Variants in FAM219B observed in about 807,000 individuals in gnomAD.
The protein encoded by FAM219B is family with sequence similarity 219 member B, also known as protein FAM219B.
Under a neutral mutation model 19.9 loss-of-function variants are expected in FAM219B, and 18 were observed. The observed-to-expected ratio is 0.91, with a 90% CI of 0.63 to 1.34. The LOEUF (loss-of-function observed/expected upper bound fraction) is 1.34, where lower values mean the gene tolerates loss of function less well. Ranked by LOEUF, FAM219B falls within the 40% of genes most tolerant of loss-of-function variation. The probability of loss-of-function intolerance (pLI) is 0.00; values close to 1 mark genes in which losing one functional copy is unlikely to be tolerated. For missense variants in FAM219B, 283 were observed against 270.5 expected (o/e 1.05, Z -0.32); for synonymous variants, 123 against 117.5 (o/e 1.05, Z -0.30).
downstream of FAM219B, chr15:74,898,308 C>G (rs1211337207): frequency 1.1e-5 from 2 of 181,786 alleles, no homozygotes; most frequent in Admixed American, 1.1e-4. Flanking sequence ...CATGATGCCC[C>G]AGTTTTTGCT....
chr15:74,902,739 G>A lies in FAM219B; in HGVS notation c.477C>T (p.His159=), dbSNP rs2065014492. ...VSRQLLQDGY[H]LDEIPDDEDL... ...CCTCGTCATCTGGAATCTCATCCAG[G>A]TGATACCCATCCTGAAGCAGCTGCC... Residue 159 remains histidine (H), a synonymous_variant, in exon 5 of 5, where the codon CAC becomes CAT. Coordinates refer to ENST00000357635, the MANE Select transcript of FAM219B (RefSeq NM_020447.5). 1 of 1,612,278 alleles carries A rather than the reference G, an allele frequency of 6.2e-7. No individual in the cohort carries two copies. Among genetic ancestry groups the A allele is most frequent in the South Asian group, 1.1e-5 (1 of 90,424 alleles).
At chr15:74,897,973 T>C, downstream of FAM219B, 2 of 571,182 alleles carry the variant, frequency 3.5e-6, no homozygotes, top group Non-Finnish European at 6.4e-6. Flanking sequence ...CCCTCTCTAC[T>C]CCTCGCTACA....
Position 74,902,312 on chromosome 15 carries a change from C to T in FAM219B, c.*307G>A, listed in dbSNP as rs540736090. On this transcript the variant is annotated 3_prime_UTR_variant, in exon 5 of 5. Coordinates refer to ENST00000357635, the MANE Select transcript of FAM219B (RefSeq NM_020447.5). The stretch of plus-strand genomic sequence containing the variant: ...AGCACTATGACAAATACCAATCAAG[C>T]TGTCTGCAAGTGTTTTCCTTAGCCA... 1 of 402,562 alleles carries T rather than the reference C, an allele frequency of 2.5e-6. No individual in the cohort carries two copies. Among genetic ancestry groups the T allele is most frequent in the Middle Eastern group, 6.3e-4 (1 of 1,594 alleles). 24.9% of individuals were successfully genotyped at this position (402,562 alleles called of 1,614,324 possible).
At chr15:74,905,299 G>A in intron 2 of FAM219B, 68 bp from the exon 3 acceptor site, 2 of 1,492,122 alleles carry the variant, frequency 1.3e-6, no homozygotes, top group South Asian at 1.1e-5. Flanking sequence ...GGGATAGGCA[G>A]AGTCCTCGCC....
Position 74,906,378 on chromosome 15 carries a change from G to A in FAM219B, c.215-13C>T, listed in dbSNP as rs953695850. The stretch of plus-strand genomic sequence containing the variant: ...TCCCGGTGCTTCTCTGGAAGTTAAA[G>A]GACCCGGGTCAGCCGGGTCTTCCCC... On this transcript the variant is annotated splice_polypyrimidine_tract_variant and intron_variant, in intron 1 of 4. Coordinates refer to ENST00000357635, the MANE Select transcript of FAM219B (RefSeq NM_020447.5). 6.2e-7 allele frequency: 1 copy of A among 1,602,992 alleles called. No individual in the cohort carries two copies. Among genetic ancestry groups the A allele is most frequent in the Non-Finnish European group, 8.5e-7 (1 of 1,175,162 alleles).
chr15:74,898,223 G>A, downstream of FAM219B: 2 of 259,800 alleles, frequency 7.7e-6, no homozygotes, highest in Non-Finnish European at 1.5e-5. Context: ...GATCACTTGT[G>A]TTGAGGCTGT....
At position 74,906,615 on chromosome 15, in the gene FAM219B, C is replaced by A. The variant is rs149763312; in HGVS notation, c.186G>T (p.Thr62=). Residue 62 remains threonine (T), a synonymous_variant, in exon 1 of 5, where the codon ACG becomes ACT. Coordinates refer to ENST00000357635, the MANE Select transcript of FAM219B (RefSeq NM_020447.5). ...GCTTGGCTTGAATGGAGGGTGCGCG[C>A]GTCACCATGTATGGCCCCCGCTTTT... ...AVEKRGPYMV[T]RAPSIQAKLQ... The A allele has an allele frequency of 1.8e-5, 27 of 1,509,292 alleles. No individual in the cohort carries two copies. Among genetic ancestry groups the A allele is most frequent in the Non-Finnish European group, 2.4e-5 (27 of 1,132,234 alleles). 93.5% of individuals were successfully genotyped at this position (1,509,292 alleles called of 1,614,324 possible).
intron 4 of FAM219B, among the ~76,000 whole-genome samples, chr15:74,903,619 A>AAAAAAG: frequency 1.4e-5 from 2 of 146,472 alleles, no homozygotes; most frequent in Non-Finnish European, 3.0e-5. Flanking sequence ...AAAAAAAAAA[A>AAAAAAG]AAAAAGAAAA....
chr15:74,905,359 A>T (rs1298369056), intron 2 of FAM219B, 128 bp from the exon 3 acceptor site: 2 of 791,804 alleles, frequency 2.5e-6, no homozygotes, highest in Non-Finnish European at 4.2e-6. Context: ...CTCCCTGGTC[A>T]CAGCCACCAC....
At chr15:74,904,997 C>A in intron 3 of FAM219B, 157 bp downstream of exon 3, 1 of 1,544,230 alleles carries the variant, frequency 6.5e-7, no homozygotes, top group South Asian at 1.2e-5. Context: ...AGTCTTCTAA[C>A]CAAGCCATCC....
intron 2 of FAM219B, chr15:74,905,901 GT>G (rs2065166976): frequency 5.2e-6 from 1 of 192,882 alleles, no homozygotes; most frequent in Non-Finnish European, 1.1e-5. Context: ...ACTGAATAAG[GT>G]TCTATGCAGC....
In FAM219B at chr15:74,906,802, G is replaced by A. The variant is rs1315954905; in HGVS notation, c.-2C>T. On this transcript the variant is annotated 5_prime_UTR_variant, in exon 1 of 5. Coordinates refer to ENST00000357635, the MANE Select transcript of FAM219B (RefSeq NM_020447.5). Reference sequence around the variant, plus strand: ...CCCGCTGGGCTCCGCGGTCGCCATGGCCGGGCCCCGCCCTGCCGGATGGTG... The same window carrying A: ...CCCGCTGGGCTCCGCGGTCGCCATGACCGGGCCCCGCCCTGCCGGATGGTG... 1.6e-6 allele frequency: 2 copies of A among 1,279,556 alleles called. No individual in the cohort carries two copies. Among genetic ancestry groups the A allele is most frequent in the East Asian group, 6.3e-5 (2 of 31,742 alleles). The allele number at this position is 1,279,556 out of a possible 1,614,324, so 79.3% of individuals were successfully genotyped here. A position where few individuals can be genotyped will look rare whatever the true frequency, so the allele number is the denominator to read the frequency against.
intron 1 of FAM219B, 92 bp from the exon 2 acceptor site, chr15:74,906,457 A>T: frequency 6.5e-7 from 1 of 1,541,586 alleles, no homozygotes; most frequent in South Asian, 1.2e-5. Context: ...ACGGATTTTG[A>T]GGGGCGAGAG....
chr15:74,902,612 G>T lies in FAM219B; in HGVS notation c.*7C>A. 6.3e-7 allele frequency: 1 copy of T among 1,598,492 alleles called. No individual in the cohort carries two copies. The highest frequency in any genetic ancestry group is 8.5e-7 in the Non-Finnish European group (1 of 1,171,596). On this transcript the variant is annotated 3_prime_UTR_variant, in exon 5 of 5. Transcript: ENST00000357635. ...TGGTGAGCAGGGCCCACCTTGGAGG[G>T]TAATGTCTACTGGAGGGTACAGGAA...
chr15:74,902,638 G>A lies in FAM219B; in HGVS notation c.578C>T (p.Ser193Phe). The A allele has an allele frequency of 2.5e-6, 4 of 1,611,386 alleles. No homozygotes were observed. The highest frequency in any genetic ancestry group is 2.5e-6 in the Non-Finnish European group (3 of 1,178,682). ...TAATGTCTACTGGAGGGTACAGGAA[G>A]AAGAGTCCCCAAGACAGCACCAGCA... ...SCCWCCLGDS[S>F]SCTLQ Residue 193 changes from serine (S) to phenylalanine (F), a missense_variant, in exon 5 of 5, where the codon TCT becomes TTT. Physicochemically the swap from Ser to Phe is radical, Grantham distance 155. Coordinates refer to ENST00000357635, the MANE Select transcript of FAM219B (RefSeq NM_020447.5).
intron 4 of FAM219B, among the ~76,000 whole-genome samples, chr15:74,903,470 G>A (rs191323080): frequency 6.6e-5 from 10 of 151,722 alleles, no homozygotes; most frequent in East Asian, 1.9e-4. Flanking sequence ...GCGTGACGGC[G>A]GGCGCCTGTA....
intron 1 of FAM219B, 34 bp from the exon 2 acceptor site, chr15:74,906,399 T>C: frequency 6.3e-7 from 1 of 1,582,940 alleles, no homozygotes; most frequent in East Asian, 2.3e-5. Flanking sequence ...AGCCGGGTCT[T>C]CCCCACTCCG....
intron 2 of FAM219B, 57 bp from the exon 3 acceptor site, chr15:74,905,288 A>T: frequency 6.4e-7 from 1 of 1,551,850 alleles, no homozygotes; most frequent in Non-Finnish European, 8.9e-7. Context: ...GGCATTTCAC[A>T]GGGATAGGCA....
chr15:74,898,220 TGTGTTGAGGCTGTGGGG>T, downstream of FAM219B: 1 of 262,164 alleles, frequency 3.8e-6, no homozygotes, highest in Non-Finnish European at 7.6e-6. Context: ...AAAGATCACT[TGTGTTGAGGCTGTGGGG>T]TAATGAGCAC....
Sources: allele counts gnomAD v4.1 joint callset (sites outside exome capture counted in the v4.1 genomes callset), GRCh38; gene constraint gnomAD v4.1.1; transcripts MANE v1.5; gene names NCBI Gene and HGNC (gene_info 2026-07-23, HGNC 2026-07-21).